PRKCZ: variants seen among roughly 807,000 people sequenced by gnomAD.
The protein encoded by PRKCZ is protein kinase C zeta type.
PRKCZ carries 33 observed loss-of-function variants against 79.5 expected under a neutral mutation model. The observed-to-expected ratio is 0.41, with a 90% confidence interval of 0.31 to 0.55. PRKCZ has a LOEUF of 0.55. PRKCZ is among the 20% of genes least tolerant of loss of function. The probability of loss-of-function intolerance (pLI) is 0.19; values close to 1 mark genes in which losing one functional copy is unlikely to be tolerated. For missense variants in PRKCZ, 578 were observed against 813.5 expected, an observed-to-expected ratio of 0.71 and a Z score of 3.52; for synonymous variants, 342 against 320.9, an observed-to-expected ratio of 1.07 and a Z score of -0.70.
chr1:2,174,131 C>T lies in PRKCZ; in HGVS notation c.1405+115C>T, dbSNP rs45617831. On this transcript the variant is annotated intron_variant, in intron 14 of 17. Coordinates refer to ENST00000378567, the MANE Select transcript of PRKCZ (RefSeq NM_002744.6). This position sits in a 1 kb window ranked among gnomAD's most constrained non-coding sequence, Gnocchi z 6.2. ...CCTGGAGCGGCAGTGCCATGCAAAG[C>T]GTACCGGGAACCATTCCTCCTGGCC... The T allele has an allele frequency of 6.5e-5, 87 of 1,328,680 alleles. No homozygotes were observed. Among genetic ancestry groups the T allele is most frequent in the East Asian group, 5.1e-4 (18 of 35,440 alleles). The allele number at this position is 1,328,680 out of a possible 1,614,324, so 82.3% of individuals were successfully genotyped here.
chr1:2,100,269 C>T (rs757338137), intron 4 of PRKCZ, among the ~76,000 whole-genome samples: 2 of 152,236 alleles, frequency 1.3e-5, no homozygotes, highest in Admixed American at 6.5e-5. Flanking sequence ...AAAACGCCCA[C>T]GTCAGGGTGA....
At chr1:2,121,497 GTTA>G (rs1437503849) in intron 4 of PRKCZ, among the ~76,000 whole-genome samples, 1 of 151,468 alleles carries the variant, frequency 6.6e-6, no homozygotes, top group African/African-American at 2.4e-5. Flanking sequence ...CACGGTGGTA[GTTA>G]GGATCATGGT....
At chr1:2,140,676 G>A (rs1276953236) in intron 5 of PRKCZ, among the ~76,000 whole-genome samples, 1 of 151,010 alleles carries the variant, frequency 6.6e-6, no homozygotes, top group Admixed American at 6.6e-5. Flanking sequence ...GAAAGAAAAT[G>A]TGAGCAGGGA....
intron 1 of PRKCZ, among the ~76,000 whole-genome samples, chr1:2,051,278 C>G (rs921254885): frequency 1.3e-5 from 2 of 152,206 alleles, no homozygotes; most frequent in Non-Finnish European, 2.9e-5. Flanking sequence ...AGGCCCTTGC[C>G]TGGCTGTGGG....
chr1:2,175,348 C>T (rs1190214637), intron 16 of PRKCZ, 35 bp downstream of exon 16: 2 of 1,547,608 alleles, frequency 1.3e-6, no homozygotes, highest in Non-Finnish European at 1.8e-6. Context: ...CACCCCCATC[C>T]CCATCCCAAC....
intron 4 of PRKCZ, among the ~76,000 whole-genome samples, chr1:2,087,655 T>C (rs1260793633): frequency 6.6e-6 from 1 of 152,070 alleles, no homozygotes; most frequent in Non-Finnish European, 1.5e-5. Context: ...ACCCGAGTAA[T>C]ATGTGTGCGA....
At chr1:2,150,454 C>T (rs1045618022) in intron 8 of PRKCZ, among the ~76,000 whole-genome samples, 4 of 152,214 alleles carry the variant, frequency 2.6e-5, no homozygotes, top group Non-Finnish European at 5.9e-5. Context: ...GCCACATGTC[C>T]CTGTGGCCAC....
At chr1:2,184,404 C>T (rs1184928270) in intron 16 of PRKCZ, 179 bp from the exon 17 acceptor site, 1 of 569,462 alleles carries the variant, frequency 1.8e-6, no homozygotes, top group Non-Finnish European at 3.1e-6. Flanking sequence ...ATTTTTCTGA[C>T]TTTGGATATT....
At chr1:2,136,672 T>C (rs985745951) in intron 5 of PRKCZ, among the ~76,000 whole-genome samples, 1 of 151,668 alleles carries the variant, frequency 6.6e-6, no homozygotes, top group Non-Finnish European at 1.5e-5. Context: ...CTCAGGAGAG[T>C]GTGGCTGGAG....
At chr1:2,078,756 G>A (rs1386921726) in intron 4 of PRKCZ, among the ~76,000 whole-genome samples, 1 of 152,004 alleles carries the variant, frequency 6.6e-6, no homozygotes, top group Admixed American at 6.6e-5. Flanking sequence ...GACATCTTCA[G>A]GTTTCTCTGT....
rs1206489384 is a variant in PRKCZ at position 2,163,877 on chromosome 1, C to T, written c.975-5641C>T. Among the ~76,000 whole-genome samples, 5 of 151,250 alleles carry T rather than the reference C, an allele frequency of 3.3e-5. No individual in the cohort carries two copies. The East Asian group carries it at 5.8e-4, about 18-fold the overall frequency. On this transcript the variant is annotated intron_variant, in intron 10 of 17. Transcript: ENST00000378567. ...TTGCACCACTGCACTCCAACCTGGG[C>T]GAGAGAGCGAGACTCCATCTCAAAA...
At chr1:2,081,189 A>G (rs1663441086) in intron 4 of PRKCZ, among the ~76,000 whole-genome samples, 1 of 152,202 alleles carries the variant, frequency 6.6e-6, no homozygotes, top group Admixed American at 6.5e-5. Flanking sequence ...CCCATTGGTT[A>G]TTTAATTATT....
At chr1:2,083,416 A>T (rs1479086104) in intron 4 of PRKCZ, among the ~76,000 whole-genome samples, 4 of 152,318 alleles carry the variant, frequency 2.6e-5, no homozygotes, top group African/African-American at 9.6e-5. Flanking sequence ...CTGTACTGAA[A>T]ATTTAGAACG....
intron 4 of PRKCZ, among the ~76,000 whole-genome samples, chr1:2,086,617 T>A (rs187384502): frequency 6.6e-6 from 1 of 152,332 alleles, no homozygotes; most frequent in Admixed American, 6.5e-5. Flanking sequence ...CTTGGCTTCC[T>A]TCGGAGGAGG....
chr1:2,150,853 G>A lies in PRKCZ; in HGVS notation c.751G>A (p.Asp251Asn). Reference sequence around the variant, plus strand: ...AATCTCTCAGGGGCTTGGGCTGCAGGACTTTGACCTAATCAGAGTCATCGG... The same window carrying A: ...AATCTCTCAGGGGCTTGGGCTGCAGAACTTTGACCTAATCAGAGTCATCGG... Reference protein sequence around the residue: ...IKISQGLGLQDFDLIRVIGRG... With the variant: ...IKISQGLGLQNFDLIRVIGRG... Residue 251 changes from aspartate (D) to asparagine (N), a missense_variant, in exon 9 of 18, where the codon GAC becomes AAC. By Grantham distance (23) the Asp-to-Asn change is conservative. Transcript: ENST00000378567. The A allele has an allele frequency of 6.2e-7, 1 of 1,614,208 alleles. No individual in the cohort carries two copies.
intron 10 of PRKCZ, among the ~76,000 whole-genome samples, chr1:2,167,916 G>A (rs957132463): frequency 6.6e-6 from 1 of 152,110 alleles, no homozygotes; most frequent in Admixed American, 6.5e-5. Context: ...GCACTCTAAG[G>A]GTTTTGAATA....
intron 4 of PRKCZ, among the ~76,000 whole-genome samples, chr1:2,069,558 G>T (rs1473348265): frequency 6.6e-6 from 1 of 152,212 alleles, no homozygotes; most frequent in Non-Finnish European, 1.5e-5. Context: ...AGCGAGTGTT[G>T]ATACCTGTCT....
At position 2,073,570 on chromosome 1, in the gene PRKCZ, C is replaced by G. The variant is rs188403646; in HGVS notation, c.334+13979C>G. ...TGCCTGGGTCTGGCTGCTGCCCGCC[C>G]GCTCTCTGGACTGTGCTGATGCAGA... On this transcript the variant is annotated intron_variant, in intron 4 of 17. Coordinates refer to ENST00000378567, the MANE Select transcript of PRKCZ (RefSeq NM_002744.6). 752 of 961,856 alleles carry G rather than the reference C, an allele frequency of 7.8e-4. 1 individual carries two copies. Among genetic ancestry groups the G allele is most frequent in the Non-Finnish European group, 9.0e-4 (724 of 808,454 alleles). The allele number at this position is 961,856 out of a possible 1,614,324, so 59.6% of individuals were successfully genotyped here.
chr1:2,159,769 A>G lies in PRKCZ; in HGVS notation c.974+3677A>G, dbSNP rs1445716783. On this transcript the variant is annotated intron_variant, in intron 10 of 17. Coordinates refer to ENST00000378567, the MANE Select transcript of PRKCZ (RefSeq NM_002744.6). ...CAATAAGCACCTGCTTTATGGACAA[A>G]CCATACCCCATATCTACACAGACAG... 2.0e-5 allele frequency among the ~76,000 whole-genome samples: 3 copies of G among 151,240 alleles called. No individual in the cohort carries two copies. The East Asian group carries it at 5.9e-4, about 30-fold the overall frequency.
Sources: gnomAD v4.1 joint callset for allele counts (sites outside exome capture counted in the v4.1 genomes callset) on GRCh38, gnomAD v4.1.1 for gene constraint, Gnocchi (gnomAD v3.1) non-coding constraint, MANE v1.5 for transcripts, NCBI Gene and HGNC (gene_info 2026-07-23, HGNC 2026-07-21) for gene names.